The following NTNG1 variants were observed in gnomAD, a reference collection of about 807,000 sequenced individuals.
NTNG1 encodes netrin G1, also known as netrin-G1.
NTNG1 carries 16 observed loss-of-function variants against 54.0 expected under a neutral mutation model. The ratio of observed to expected loss-of-function variants is 0.30; its 90% CI spans 0.20 to 0.45. The LOEUF is 0.45. NTNG1 is among the 20% of genes least tolerant of loss of function. The pLI is 1.00. For synonymous variants in NTNG1, 255 were observed against 263.1 expected (o/e 0.97, Z 0.30); for missense variants, 530 against 678.7 (o/e 0.78, Z 2.43).
chr1:107,298,101 C>G (rs1207429644), intron 2 of NTNG1, among the ~76,000 whole-genome samples: 1 of 151,992 alleles, frequency 6.6e-6, no homozygotes, highest in African/African-American at 2.4e-5. Flanking sequence ...GAAGATAAAA[C>G]CTATAGACTC....
In NTNG1 at chr1:107,430,848, T is replaced by A; in HGVS notation, c.1186T>A (p.Cys396Ser). ...SCKHNTRGQH[C>S]ELCRLGYFRN... ...TAAACACAACACTAGAGGGCAGCAC[T>A]GTGAGTTATGCAGGCTGGGCTACTT... The change falls in exon 6 of 8, where the codon TGT becomes AGT. Residue 396 changes from cysteine to serine, a missense_variant. By Grantham distance (112) the Cys-to-Ser change is moderately radical. Around this residue, in one of 2 missense-constraint regions of NTNG1, gnomAD observed 212 missense variants for 213.6 expected, o/e 0.99. Transcript: ENST00000370068. The A allele has an allele frequency of 6.2e-7, 1 of 1,613,308 alleles. No individual in the cohort carries two copies. Among genetic ancestry groups the A allele is most frequent in the Non-Finnish European group, 8.5e-7 (1 of 1,179,614 alleles).
At chr1:107,221,172 T>C (rs985873021) in intron 2 of NTNG1, among the ~76,000 whole-genome samples, 1 of 150,584 alleles carries the variant, frequency 6.6e-6, no homozygotes, top group Admixed American at 6.6e-5. Context: ...ATATTCACCT[T>C]TTTTTTTTAC....
intron 2 of NTNG1, among the ~76,000 whole-genome samples, chr1:107,281,375 T>C (rs1306368598): frequency 6.6e-6 from 1 of 152,086 alleles, no homozygotes; most frequent in Non-Finnish European, 1.5e-5. Context: ...AGAAAAATAA[T>C]ATGATTAGTC....
At chr1:107,175,615 T>G (rs1449376523) in intron 2 of NTNG1, among the ~76,000 whole-genome samples, 1 of 152,126 alleles carries the variant, frequency 6.6e-6, no homozygotes, top group Non-Finnish European at 1.5e-5. Flanking sequence ...GTTTTGTTTT[T>G]TTTTTTCTAA....
intron 7 of NTNG1, among the ~76,000 whole-genome samples, chr1:107,443,013 C>T (rs1558003925): frequency 6.6e-6 from 1 of 152,086 alleles, no homozygotes; most frequent in South Asian, 2.1e-4. Flanking sequence ...TGGAGAAGTT[C>T]CAATAGAAGC....
rs538525430 is a variant in NTNG1, at chr1:107,472,778, G to A, written c.1391-7833G>A. ...GGGGCGGGGATGGATTGCAGTTAGT[G>A]TACCTAGAATTCCAACCACAACAAC... On this transcript the variant is annotated intron_variant, in intron 7 of 7. Transcript: ENST00000370068. Among the ~76,000 whole-genome samples, 3 of 152,114 alleles carry A rather than the reference G, an allele frequency of 2.0e-5. No homozygotes were observed. In the East Asian group the frequency reaches 5.8e-4, roughly 29 times the overall value.
At chr1:107,332,925 G>A (rs1178135530) in intron 3 of NTNG1, among the ~76,000 whole-genome samples, 1 of 151,962 alleles carries the variant, frequency 6.6e-6, no homozygotes, top group East Asian at 1.9e-4. Flanking sequence ...CAATAGCAAA[G>A]GGGAAAGGAA....
intron 2 of NTNG1, among the ~76,000 whole-genome samples, chr1:107,202,799 C>T (rs180770870): frequency 7.2e-5 from 11 of 152,028 alleles, no homozygotes; most frequent in Non-Finnish European, 1.0e-4. Context: ...TGCTGACCTC[C>T]GTAGTCAGAC....
At chr1:107,162,639 T>A (rs1470466685) in intron 2 of NTNG1, among the ~76,000 whole-genome samples, 3 of 152,160 alleles carry the variant, frequency 2.0e-5, no homozygotes, top group Non-Finnish European at 4.4e-5. Flanking sequence ...TTTCTTTGAC[T>A]AGAACTTTAC....
At chr1:107,476,357 C>G (rs914495693) in intron 7 of NTNG1, among the ~76,000 whole-genome samples, 1 of 152,104 alleles carries the variant, frequency 6.6e-6, no homozygotes, top group African/African-American at 2.4e-5. Context: ...TCTTTTGCAA[C>G]AACGACCACC....
At chr1:107,366,737 G>C (rs61799242) in intron 3 of NTNG1, among the ~76,000 whole-genome samples, 7 of 152,282 alleles carry the variant, frequency 4.6e-5, no homozygotes, top group African/African-American at 1.7e-4. Context: ...ATCTATTAGG[G>C]ATGTAGGATG....
At chr1:107,420,433 C>T (rs1674500801) in intron 5 of NTNG1, among the ~76,000 whole-genome samples, 1 of 152,022 alleles carries the variant, frequency 6.6e-6, no homozygotes, top group Admixed American at 6.6e-5. Flanking sequence ...TCTGTTTTGG[C>T]TATTTTCACA....
chr1:107,415,720 A>C (rs1340484470), intron 5 of NTNG1, among the ~76,000 whole-genome samples: 1 of 152,110 alleles, frequency 6.6e-6, no homozygotes, highest in East Asian at 1.9e-4. Context: ...AGCAATACAA[A>C]TATTGTTGAC....
At chr1:107,248,585 C>T (rs1424705899) in intron 2 of NTNG1, among the ~76,000 whole-genome samples, 5 of 152,120 alleles carry the variant, frequency 3.3e-5, no homozygotes, top group Non-Finnish European at 5.9e-5. Flanking sequence ...TGCTTTTGGC[C>T]ACCAAGTAGA....
At chr1:107,430,634 T>A (rs753843552) in intron 5 of NTNG1, 116 bp from the exon 6 acceptor site, 1 of 1,014,174 alleles carries the variant, frequency 9.9e-7, no homozygotes, top group Non-Finnish European at 1.6e-6. Flanking sequence ...TTGAATCACA[T>A]ATATGTAATG....
In NTNG1 at chr1:107,344,554, G is replaced by T. The variant is rs144636487; in HGVS notation, c.887+19632G>T. Reference sequence around the variant, plus strand: ...GTGACACACACACCAGCAGGGAGGGGATTCAAACACATTCCATCTGTTGGT... The same window carrying T: ...GTGACACACACACCAGCAGGGAGGGTATTCAAACACATTCCATCTGTTGGT... On this transcript the variant is annotated intron_variant, in intron 3 of 7. Coordinates refer to ENST00000370068, the MANE Select transcript of NTNG1 (RefSeq NM_001113226.3). 5.5e-3 allele frequency among the ~76,000 whole-genome samples: 839 copies of T among 152,212 alleles called. 7 individuals are homozygous for T. Among genetic ancestry groups the T allele is most frequent in the African/African-American group, 0.019 (792 of 41,548 alleles).
intron 2 of NTNG1, among the ~76,000 whole-genome samples, chr1:107,240,304 G>A (rs1276540846): frequency 4.1e-5 from 6 of 147,632 alleles, no homozygotes; most frequent in Admixed American, 1.4e-4. Context: ...TACACATTAC[G>A]ATATTTAGTT....
At chr1:107,211,876 G>T (rs955470674) in intron 2 of NTNG1, among the ~76,000 whole-genome samples, 3 of 152,142 alleles carry the variant, frequency 2.0e-5, no homozygotes, top group Admixed American at 6.6e-5. Context: ...GTTCATTTGG[G>T]CAATATTCAG....
chr1:107,210,913 T>C (rs900542045), intron 2 of NTNG1, among the ~76,000 whole-genome samples: 27 of 152,116 alleles, frequency 1.8e-4, no homozygotes, highest in Admixed American at 8.5e-4. Flanking sequence ...AATCCTGTTT[T>C]CCATTTCTTT....
Sources: gnomAD v4.1 joint callset for allele counts (sites outside exome capture counted in the v4.1 genomes callset) on GRCh38, gnomAD v4.1.1 for gene constraint, gnomAD v4.1.1 regional missense constraint, MANE v1.5 for transcripts, NCBI Gene and HGNC (gene_info 2026-07-23, HGNC 2026-07-21) for gene names.